The following TACC2 variants were observed in gnomAD, a reference collection of about 807,000 sequenced individuals.
TACC2 encodes the protein transforming acidic coiled-coil-containing protein 2.
TACC2 carries 137 observed loss-of-function variants against 227.3 expected under a neutral mutation model. The observed-to-expected ratio is 0.60, with a 90% CI of 0.52 to 0.69. The LOEUF (loss-of-function observed/expected upper bound fraction) is 0.69. Among genes scored for constraint, TACC2 ranks in the 30% least tolerant of loss-of-function variants. The pLI is 0.00. For synonymous variants in TACC2, 1,523 were observed against 1,487.5 expected (o/e 1.02, Z -0.55); for missense variants, 3,470 against 3,694.4 (o/e 0.94, Z 1.57).
chr10:122,173,394 T>A (rs1299905035), intron 7 of TACC2, among the ~76,000 whole-genome samples: 1 of 152,184 alleles, frequency 6.6e-6, no homozygotes, highest in East Asian at 1.9e-4. Context: ...AGAGCGGGGC[T>A]CCACGCCCTG....
intron 18 of TACC2, among the ~76,000 whole-genome samples, chr10:122,239,120 C>T (rs893493290): frequency 1.3e-5 from 2 of 152,262 alleles, no homozygotes; most frequent in Admixed American, 6.5e-5. Flanking sequence ...TCTCCTGCCT[C>T]GGCCTCCCAA....
intron 5 of TACC2, among the ~76,000 whole-genome samples, chr10:122,117,953 C>A (rs2085009372): frequency 6.6e-6 from 1 of 152,072 alleles, no homozygotes; most frequent in South Asian, 2.1e-4. Context: ...CTCCTACTTT[C>A]TGGCTCCCTG....
chr10:122,122,333 C>T (rs889444734), intron 5 of TACC2, among the ~76,000 whole-genome samples: 15 of 151,956 alleles, frequency 9.9e-5, no homozygotes, highest in African/African-American at 2.4e-4. Context: ...CCAGCCGGGG[C>T]GACAAGAATG....
intron 12 of TACC2, 81 bp downstream of exon 12, chr10:122,224,868 G>C (rs1364327459): frequency 1.7e-6 from 2 of 1,172,226 alleles, no homozygotes; most frequent in Admixed American, 1.9e-5. Context: ...GAGTGTCTCT[G>C]GGAGCTCAGA....
intron 6 of TACC2, among the ~76,000 whole-genome samples, chr10:122,136,545 GTATA>G (rs34534253): frequency 6.0e-4 from 33 of 54,962 alleles, no homozygotes; most frequent in Middle Eastern, 0.012. Context: ...GTGTGTGTGT[GTATA>G]TATATATATA....
chr10:122,056,052 GT>G (rs2076181605), intron 3 of TACC2, among the ~76,000 whole-genome samples: 1 of 152,208 alleles, frequency 6.6e-6, no homozygotes, highest in African/African-American at 2.4e-5. Context: ...TTATCTGATG[GT>G]TCTCAAACTT....
intron 3 of TACC2, among the ~76,000 whole-genome samples, chr10:122,073,938 C>T (rs1411235095): frequency 6.6e-6 from 1 of 152,064 alleles, no homozygotes; most frequent in African/African-American, 2.4e-5. Flanking sequence ...CGCCACCATG[C>T]CCGGCTAATT....
At chr10:122,175,307 C>T (rs529623302) in intron 7 of TACC2, among the ~76,000 whole-genome samples, 1 of 152,266 alleles carries the variant, frequency 6.6e-6, no homozygotes, top group African/African-American at 2.4e-5. Context: ...AACACTGAAA[C>T]ACTGATGCAT....
chr10:122,178,382 A>G (rs553071676), intron 7 of TACC2, among the ~76,000 whole-genome samples: 16 of 151,720 alleles, frequency 1.1e-4, no homozygotes, highest in Non-Finnish European at 2.2e-4. Flanking sequence ...GATCACAGGC[A>G]CACACCACCA....
rs2095224137 is a variant in TACC2, at chr10:122,209,151, G to A, written c.5972-1246G>A. On this transcript the variant is annotated intron_variant, in intron 8 of 22. Transcript: ENST00000369005. This position sits in a 1 kb window ranked among gnomAD's most constrained non-coding sequence, Gnocchi z 4.5. The stretch of plus-strand genomic sequence containing the variant: ...GTAGAAAAGCTGAGAGGAGGCAGCT[G>A]GGAGAGCAGTGAGACTAGGCAAGAG... Among the ~76,000 whole-genome samples the A allele has an allele frequency of 6.6e-6, 1 of 152,234 alleles. No individual in the cohort carries two copies.
chr10:122,005,541 C>T (rs1455365194), intron 1 of TACC2, among the ~76,000 whole-genome samples: 11 of 151,034 alleles, frequency 7.3e-5, no homozygotes, highest in Admixed American at 2.0e-4. Flanking sequence ...CTCACCACCA[C>T]GCCCGGCTGA....
At chr10:122,093,097 CTTT>C (rs59323311) in intron 5 of TACC2, among the ~76,000 whole-genome samples, 6 of 146,468 alleles carry the variant, frequency 4.1e-5, no homozygotes, top group Admixed American at 1.4e-4. Context: ...TTGTCTCTCT[CTTT>C]TTTTTTTTTT....
chr10:122,137,906 C>T (rs937276572), intron 6 of TACC2, among the ~76,000 whole-genome samples: 14 of 152,174 alleles, frequency 9.2e-5, no homozygotes, highest in Non-Finnish European at 1.5e-4. Flanking sequence ...CAGCAGCTGG[C>T]GGCTGAAGTT....
At chr10:122,051,295 A>G (rs1029706813) in intron 3 of TACC2, 1 of 152,018 alleles carries the variant, frequency 6.6e-6, no homozygotes, top group Non-Finnish European at 1.5e-5. Flanking sequence ...CAGGTGATCC[A>G]CCCGCCTCAG....
Position 122,150,394 on chromosome 10 carries a change from G to C in TACC2, c.5834+6688G>C, listed in dbSNP as rs902882318. 6.6e-6 allele frequency among the ~76,000 whole-genome samples: 1 copy of C among 152,214 alleles called. No individual in the cohort carries two copies. Among genetic ancestry groups the C allele is most frequent in the African/African-American group, 2.4e-5 (1 of 41,464 alleles). ...GTGGGGGCCCTTCTTGCCCTGAATA[G>C]GGGCAGCTGAGGCCAGGAGCCCACC... On this transcript the variant is annotated intron_variant, in intron 7 of 22. Transcript: ENST00000369005. The surrounding 1 kb of genome is among the most constrained non-coding windows in gnomAD (Gnocchi z 4.0).
rs1414163684 is a variant in TACC2 at position 122,086,362 on chromosome 10, G to T, written c.3862G>T (p.Ala1288Ser). The T allele has an allele frequency of 5.0e-6, 8 of 1,613,560 alleles. No homozygotes were observed. In the Admixed American group the frequency reaches 1.3e-4, roughly 27 times the overall value. ...AAATGCTGCCTCCTTGAAGCTGTTT[G>T]CTGGCTCCCTCGCCCCCCTGTTGCA... The part of the protein sequence containing the change: ...LENAASLKLF[A>S]GSLAPLLQPG... The change falls in exon 4 of 23, where the codon GCT (alanine) becomes TCT (serine). Residue 1288 changes from alanine to serine, a missense_variant. Around this residue, in one of 10 missense-constraint regions of TACC2, gnomAD observed 1,924 missense variants for 1,978.3 expected, o/e 0.97. Transcript: ENST00000369005.
rs555177480 is a variant in TACC2 at position 122,065,833 on chromosome 10, G to A, written c.146+15283G>A. 7.2e-5 allele frequency among the ~76,000 whole-genome samples: 11 copies of A among 152,212 alleles called. No homozygotes were observed. In the South Asian group the frequency reaches 2.3e-3, roughly 32 times the overall value. ...GAATTTTTAATGTTTATTTTAGAAT[G>A]TATAAAATTTTAGAATTTATATGGA... is the stretch of plus-strand genomic sequence containing the variant. On this transcript the variant is annotated intron_variant, in intron 3 of 22. Transcript: ENST00000369005.
At chr10:122,135,417 G>A (rs1268227263) in intron 6 of TACC2, among the ~76,000 whole-genome samples, 1 of 152,220 alleles carries the variant, frequency 6.6e-6, no homozygotes, top group Admixed American at 6.5e-5. Flanking sequence ...CAGTTTCATG[G>A]CCTTATCTCC....
rs370022515 is a variant in TACC2, at chr10:122,086,628, G to A, written c.4128G>A (p.Arg1376=). The A allele has an allele frequency of 3.1e-6, 5 of 1,601,890 alleles. No individual in the cohort carries two copies. In the African/African-American group the frequency reaches 4.0e-5, roughly 13 times the overall value. The part of the protein sequence containing the change: ...AAGETEGSME[R]MGEPSQDPKQ... ...GAGAGACAGAGGGCAGCATGGAGAG[G>A]ATGGGAGAGCCTTCCCAGGACCCAA... Residue 1376 remains arginine, a synonymous_variant, in exon 4 of 23, where the codon AGG becomes AGA. Transcript: ENST00000369005.
Sources: allele counts gnomAD v4.1 joint callset (sites outside exome capture counted in the v4.1 genomes callset), GRCh38; gene constraint gnomAD v4.1.1; regional missense constraint gnomAD v4.1.1; non-coding constraint Gnocchi (gnomAD v3.1); transcripts MANE v1.5; gene names NCBI Gene and HGNC (gene_info 2026-07-23, HGNC 2026-07-21).